Variants in HDAC9 observed in about 807,000 individuals in gnomAD.
HDAC9 encodes histone deacetylase 9, also known as MEF-2 interacting transcription repressor (MITR) protein.
Under a neutral mutation model 139.4 loss-of-function variants are expected in HDAC9, and 41 were observed. The ratio of observed to expected loss-of-function variants is 0.29; its 90% CI spans 0.23 to 0.38. The LOEUF (loss-of-function observed/expected upper bound fraction) is 0.38. Among genes scored for constraint, HDAC9 ranks in the 10% least tolerant of loss-of-function variants. The probability of loss-of-function intolerance (pLI) is 1.00; values close to 1 mark genes in which losing one functional copy is unlikely to be tolerated. For missense variants in HDAC9, 1,147 were observed against 1,297.0 expected (o/e 0.88, Z 1.78); for synonymous variants, 517 against 476.2 (o/e 1.09, Z -1.12).
At chr7:18,244,953 T>C (rs1330848960) in intron 2 of HDAC9, among the ~76,000 whole-genome samples, 1 of 134,258 alleles carries the variant, frequency 7.4e-6, no homozygotes, top group African/African-American at 2.7e-5. Context: ...TATCTGTATA[T>C]GGACATAACA....
Position 18,597,095 on chromosome 7 carries a change from C to T in HDAC9, c.664+3066C>T, listed in dbSNP as rs114858429. On this transcript the variant is annotated intron_variant, in intron 6 of 25. Transcript: ENST00000686413. ...GTCACGCAAAGTGGACCTTTACTTC[C>T]TTCCCCTTAGGAGAATGATAGTTGC... 1.4e-3 allele frequency among the ~76,000 whole-genome samples: 219 copies of T among 152,208 alleles called. 1 individual carries two copies. Among genetic ancestry groups the T allele is most frequent in the African/African-American group, 5.0e-3 (206 of 41,554 alleles).
At chr7:18,765,789 C>T (rs904264867) in intron 15 of HDAC9, among the ~76,000 whole-genome samples, 1 of 152,066 alleles carries the variant, frequency 6.6e-6, no homozygotes, top group Admixed American at 6.6e-5. Context: ...GAAAACTTTA[C>T]TCCTCCCCCA....
intron 2 of HDAC9, among the ~76,000 whole-genome samples, chr7:18,572,203 C>T (rs1254683699): frequency 6.6e-6 from 1 of 151,194 alleles, no homozygotes; most frequent in Admixed American, 6.6e-5. Flanking sequence ...ATAAGGGAAT[C>T]CCTTGCCTCA....
intron 1 of HDAC9, among the ~76,000 whole-genome samples, chr7:18,156,104 G>A (rs1039199360): frequency 6.6e-6 from 1 of 152,110 alleles, no homozygotes; most frequent in African/African-American, 2.4e-5. Flanking sequence ...TTACATCTCT[G>A]TATCCCATGT....
chr7:18,119,979 G>GT (rs1207499008), intron 1 of HDAC9, among the ~76,000 whole-genome samples: 1 of 152,184 alleles, frequency 6.6e-6, no homozygotes, highest in Non-Finnish European at 1.5e-5. Context: ...ACCAAAGAAT[G>GT]TTTTTGGGGG....
chr7:18,375,935 A>G (rs2128707470), intron 1 of HDAC9, among the ~76,000 whole-genome samples: 1 of 152,328 alleles, frequency 6.6e-6, no homozygotes, highest in East Asian at 1.9e-4. Context: ...AGAAATAATT[A>G]TAAAATGAAT....
chr7:18,460,539 C>A (rs886142763), intron 1 of HDAC9, among the ~76,000 whole-genome samples: 2 of 151,992 alleles, frequency 1.3e-5, no homozygotes, highest in African/African-American at 4.8e-5. Context: ...AATCCCAGCA[C>A]TTTCAGAGGC....
chr7:18,119,387 A>T (rs1371497837), intron 1 of HDAC9, among the ~76,000 whole-genome samples: 7 of 152,340 alleles, frequency 4.6e-5, no homozygotes, highest in Non-Finnish European at 8.8e-5. Flanking sequence ...GAAATATGAA[A>T]GGCAGTCTGT....
chr7:18,330,599 G>GA (rs148540621), intron 1 of HDAC9, among the ~76,000 whole-genome samples: 1,553 of 145,206 alleles, frequency 0.011, 24 homozygotes, highest in African/African-American at 0.037. Context: ...CCTCAGGAGG[G>GA]AAAAAAAAAA....
intron 2 of HDAC9, among the ~76,000 whole-genome samples, chr7:18,272,833 T>G (rs1796439013): frequency 6.6e-6 from 1 of 151,472 alleles, no homozygotes; most frequent in Non-Finnish European, 1.5e-5. Flanking sequence ...TCTGGAAGAG[T>G]AAAGGTCAGG....
intron 16 of HDAC9, among the ~76,000 whole-genome samples, chr7:18,784,821 A>G (rs1198522192): frequency 6.6e-6 from 1 of 152,144 alleles, no homozygotes. Flanking sequence ...AGAATGAATC[A>G]TGGCCACTCA....
At chr7:18,375,951 G>T (rs1444617128) in intron 1 of HDAC9, among the ~76,000 whole-genome samples, 1 of 152,118 alleles carries the variant, frequency 6.6e-6, no homozygotes, top group East Asian at 1.9e-4. Context: ...TGAATGTATT[G>T]TACAATTTCC....
chr7:18,746,184 CAA>C (rs1293562640), intron 13 of HDAC9, among the ~76,000 whole-genome samples: 3 of 152,076 alleles, frequency 2.0e-5, no homozygotes, highest in Admixed American at 6.5e-5. Context: ...AATATATTTT[CAA>C]AATGAGGTGG....
intron 6 of HDAC9, among the ~76,000 whole-genome samples, chr7:18,622,463 C>T (rs191129858): frequency 4.1e-4 from 62 of 152,164 alleles, no homozygotes; most frequent in Non-Finnish European, 3.2e-4. Flanking sequence ...GCTGGGATTA[C>T]AGGGACGTGC....
At chr7:18,404,845 A>G (rs935589341) in intron 1 of HDAC9, among the ~76,000 whole-genome samples, 1 of 152,256 alleles carries the variant, frequency 6.6e-6, no homozygotes, top group Non-Finnish European at 1.5e-5. Context: ...AAAAAGAAAG[A>G]TTAATAAAAA....
intron 1 of HDAC9, among the ~76,000 whole-genome samples, chr7:18,356,359 T>TTTTTTTTTTG (rs1783280658): frequency 1.8e-4 from 1 of 5,452 alleles, no homozygotes; most frequent in African/African-American, 5.2e-4. Context: ...AGCACATAGG[T>TTTTTTTTTTG]TTTTTTTTTT....
intron 1 of HDAC9, among the ~76,000 whole-genome samples, chr7:18,451,428 TA>T (rs1356082648): frequency 6.7e-6 from 1 of 148,778 alleles, no homozygotes; most frequent in African/African-American, 2.6e-5. Context: ...TGTGTATATA[TA>T]TGTGTGTGTG....
At chr7:18,881,258 C>T (rs1432110604) in intron 22 of HDAC9, among the ~76,000 whole-genome samples, 2 of 152,062 alleles carry the variant, frequency 1.3e-5, no homozygotes, top group Non-Finnish European at 2.9e-5. Context: ...TCAGTTTTAA[C>T]TCCAGTTATT....
At chr7:18,752,806 A>G (rs2129149389) in intron 14 of HDAC9, among the ~76,000 whole-genome samples, 1 of 152,230 alleles carries the variant, frequency 6.6e-6, no homozygotes, top group South Asian at 2.1e-4. Context: ...GTCTTTGGGA[A>G]CTATTCTCCC....
Sources: gnomAD v4.1 joint callset for allele counts (sites outside exome capture counted in the v4.1 genomes callset) on GRCh38, gnomAD v4.1.1 for gene constraint, MANE v1.5 for transcripts, NCBI Gene and HGNC (gene_info 2026-07-23, HGNC 2026-07-21) for gene names.